NRG3: variants seen among roughly 807,000 people sequenced by gnomAD.
NRG3 encodes the protein pro-neuregulin-3, membrane-bound isoform.
A neutral mutation model predicts 66.9 loss-of-function variants in NRG3; 31 were observed. That is an observed-to-expected ratio of 0.46 (90% confidence interval 0.35 to 0.63). The LOEUF is 0.63. Among genes scored for constraint, NRG3 ranks in the 20% least tolerant of loss-of-function variants. The probability of loss-of-function intolerance (pLI) is 0.00; values close to 1 mark genes in which losing one functional copy is unlikely to be tolerated. For missense variants in NRG3, 910 were observed against 878.9 expected, an observed-to-expected ratio of 1.04 and a Z score of -0.45; for synonymous variants, 393 against 359.4, an observed-to-expected ratio of 1.09 and a Z score of -1.06.
chr10:82,328,937 T>C lies in NRG3; in HGVS notation c.824-29802T>C, dbSNP rs117394386. On this transcript the variant is annotated intron_variant, in intron 1 of 8. Coordinates refer to ENST00000372141, the MANE Select transcript of NRG3 (RefSeq NM_001010848.4). ...AGATTCTGTTGCTGGCACTCATTTCTAGTGCTTTTTTTATTGCTGATCAGT... is the reference window on the plus strand; with the variant it reads ...AGATTCTGTTGCTGGCACTCATTTCCAGTGCTTTTTTTATTGCTGATCAGT... Among the ~76,000 whole-genome samples the C allele has an allele frequency of 1.5e-3, 226 of 152,036 alleles. 4 individuals are homozygous for C. The East Asian group carries it at 0.04, about 27-fold the overall frequency.
intron 3 of NRG3, among the ~76,000 whole-genome samples, chr10:82,862,746 C>T (rs2064198826): frequency 6.6e-6 from 1 of 152,112 alleles, no homozygotes. Context: ...ACTTGGGATT[C>T]GCTCTCAAAA....
intron 1 of NRG3, among the ~76,000 whole-genome samples, chr10:82,284,920 A>T (rs56138717): frequency 0.016 from 2,511 of 152,240 alleles, 70 homozygotes; most frequent in African/African-American, 0.057. Context: ...TTGCTAGTAG[A>T]CAGAAAAACA....
chr10:82,277,945 C>T (rs1171346700), intron 1 of NRG3, among the ~76,000 whole-genome samples: 1 of 152,066 alleles, frequency 6.6e-6, no homozygotes, highest in African/African-American at 2.4e-5. Flanking sequence ...AGATGATAGA[C>T]TTGATGTTAT....
intron 1 of NRG3, among the ~76,000 whole-genome samples, chr10:82,150,050 G>C (rs1293659033): frequency 6.6e-6 from 1 of 151,998 alleles, no homozygotes; most frequent in East Asian, 1.9e-4. Context: ...GCACCCATCT[G>C]GACTCCCTGC....
At chr10:82,277,759 T>C (rs1453806226) in intron 1 of NRG3, among the ~76,000 whole-genome samples, 1 of 152,060 alleles carries the variant, frequency 6.6e-6, no homozygotes, top group Non-Finnish European at 1.5e-5. Context: ...CAAATAATGT[T>C]TAAATGTGCA....
chr10:81,878,215 C>A, intron 1 of NRG3: 1 of 793,880 alleles, frequency 1.3e-6, no homozygotes, highest in Non-Finnish European at 1.9e-6. Flanking sequence ...GGGGAAAAAT[C>A]TGTAAATGGT....
At chr10:82,089,944 G>A (rs1483493753) in intron 1 of NRG3, among the ~76,000 whole-genome samples, 1 of 152,166 alleles carries the variant, frequency 6.6e-6, no homozygotes, top group Non-Finnish European at 1.5e-5. Context: ...TCATAGGCAA[G>A]TCAGTTCCCT....
At chr10:82,349,525 T>C (rs2135488432) in intron 1 of NRG3, among the ~76,000 whole-genome samples, 1 of 152,134 alleles carries the variant, frequency 6.6e-6, no homozygotes, top group Non-Finnish European at 1.5e-5. Context: ...TTTGTTTGTC[T>C]GTGCCCTGCC....
chr10:82,149,073 T>A (rs2070488684), intron 1 of NRG3, among the ~76,000 whole-genome samples: 1 of 54,952 alleles, frequency 1.8e-5, no homozygotes, highest in South Asian at 3.8e-4. Flanking sequence ...TTTTTGTTTT[T>A]GTTTTTTTTT....
chr10:82,437,085 C>T (rs963163922), intron 2 of NRG3, among the ~76,000 whole-genome samples: 1 of 152,074 alleles, frequency 6.6e-6, no homozygotes, highest in African/African-American at 2.4e-5. Context: ...GTTGGCCTGT[C>T]TTTCTAGGTT....
chr10:82,376,395 G>A (rs532529849), intron 2 of NRG3, among the ~76,000 whole-genome samples: 1 of 152,238 alleles, frequency 6.6e-6, no homozygotes, highest in Admixed American at 6.5e-5. Flanking sequence ...GCCTCCACTG[G>A]GGCTTCCCAG....
chr10:82,383,589 G>A (rs2085773173), intron 2 of NRG3, among the ~76,000 whole-genome samples: 1 of 151,884 alleles, frequency 6.6e-6, no homozygotes, highest in African/African-American at 2.4e-5. Flanking sequence ...TGTTTTAATA[G>A]AATTGTTACT....
intron 2 of NRG3, among the ~76,000 whole-genome samples, chr10:82,388,829 A>C (rs2086174974): frequency 1.3e-5 from 2 of 152,188 alleles, no homozygotes; most frequent in Non-Finnish European, 2.9e-5. Context: ...GTGTCTCACA[A>C]ACTAAGCTCT....
chr10:82,645,267 A>G (rs2050853597), intron 2 of NRG3, among the ~76,000 whole-genome samples: 1 of 152,122 alleles, frequency 6.6e-6, no homozygotes, highest in African/African-American at 2.4e-5. Flanking sequence ...GCCAGAGAAT[A>G]TTTTCTCCTC....
At chr10:82,061,238 C>A (rs1003603357) in intron 1 of NRG3, among the ~76,000 whole-genome samples, 3 of 152,090 alleles carry the variant, frequency 2.0e-5, no homozygotes, top group African/African-American at 7.2e-5. Context: ...GTAATCCCAA[C>A]TACTTGGGAG....
chr10:81,875,789 C>T lies in NRG3; in HGVS notation c.449C>T (p.Thr150Met). 6.2e-7 allele frequency: 1 copy of T among 1,610,936 alleles called. No individual in the cohort carries two copies. The highest frequency in any genetic ancestry group is 8.5e-7 in the Non-Finnish European group (1 of 1,179,882). Residue 150 changes from threonine to methionine, a missense_variant, in exon 1 of 9, where the codon ACG becomes ATG. Thr to Met is a moderately conservative substitution (Grantham distance 81, BLOSUM62 -1). Transcript: ENST00000372141. The surrounding 1 kb of genome is among the most constrained non-coding windows in gnomAD (Gnocchi z 5.3). The stretch of plus-strand genomic sequence containing the variant: ...GCCGGGGGTGCCGCCTCCTCCAGGA[C>T]GCCCAACCGGATTAGCACTCGCCTG... ...PSAGGAASSR[T>M]PNRISTRLTT...
At chr10:82,751,918 A>G (rs2058882338) in intron 3 of NRG3, among the ~76,000 whole-genome samples, 1 of 151,800 alleles carries the variant, frequency 6.6e-6, no homozygotes, top group Non-Finnish European at 1.5e-5. Context: ...TGTGTATCTA[A>G]TTATGGAACT....
intron 1 of NRG3, among the ~76,000 whole-genome samples, chr10:81,930,157 G>T (rs1300374689): frequency 6.6e-6 from 1 of 152,146 alleles, no homozygotes; most frequent in Non-Finnish European, 1.5e-5. Context: ...CCAGGGTGCA[G>T]CTGGGGAAGT....
At chr10:82,374,554 A>T (rs2085087598) in intron 2 of NRG3, among the ~76,000 whole-genome samples, 1 of 152,224 alleles carries the variant, frequency 6.6e-6, no homozygotes, top group Admixed American at 6.5e-5. Context: ...AGTGAATAAG[A>T]CTAGTGTTTC....
Sources: allele counts gnomAD v4.1 joint callset (sites outside exome capture counted in the v4.1 genomes callset), GRCh38; gene constraint gnomAD v4.1.1; non-coding constraint Gnocchi (gnomAD v3.1); transcripts MANE v1.5; gene names NCBI Gene and HGNC (gene_info 2026-07-23, HGNC 2026-07-21).